LDB2: variants seen among roughly 807,000 people sequenced by gnomAD.
The protein encoded by LDB2 is LIM domain-binding protein 2.
In LDB2, 12 loss-of-function variants were observed where a neutral mutation model predicts 44.3. The observed-to-expected ratio is 0.27, with a 90% CI of 0.17 to 0.44. The LOEUF is 0.44. Ranked by LOEUF, LDB2 falls within the 20% of genes least tolerant of loss-of-function variation. The pLI is 1.00. For missense variants in LDB2, 344 were observed against 473.5 expected, an observed-to-expected ratio of 0.73 and a Z score of 2.54; for synonymous variants, 164 against 174.8, an observed-to-expected ratio of 0.94 and a Z score of 0.49.
rs1737904968 is a variant in LDB2 at position 16,552,152 on chromosome 4, G to A, written c.615+33770C>T. ...TTTTGTGTACCTGTTTTAGTTCCCT[G>A]AAGGCAAGGAAGAAGAACATTTTAC... is the stretch of plus-strand genomic sequence containing the variant. On this transcript the variant is annotated intron_variant, in intron 5 of 7. Transcript: ENST00000304523. 2.0e-5 allele frequency among the ~76,000 whole-genome samples: 3 copies of A among 152,084 alleles called. No homozygotes were observed. In the South Asian group the frequency reaches 6.2e-4, roughly 31 times the overall value.
At chr4:16,559,238 C>T (rs1741063735) in intron 5 of LDB2, among the ~76,000 whole-genome samples, 2 of 152,112 alleles carry the variant, frequency 1.3e-5, no homozygotes, top group Admixed American at 1.3e-4. Flanking sequence ...TGTAAATGGA[C>T]TAAATGCTCC....
chr4:16,714,260 T>C (rs896022667), intron 2 of LDB2, among the ~76,000 whole-genome samples: 10 of 152,328 alleles, frequency 6.6e-5, no homozygotes, highest in Admixed American at 2.6e-4. Context: ...TTGCTGTGCT[T>C]CTTCAGCAAG....
intron 5 of LDB2, among the ~76,000 whole-genome samples, chr4:16,544,669 A>G (rs1291546349): frequency 6.6e-6 from 1 of 152,056 alleles, no homozygotes; most frequent in Non-Finnish European, 1.5e-5. Flanking sequence ...AGTGAGGGAA[A>G]ACACCAGCGA....
chr4:16,577,240 C>T (rs1017405698), intron 5 of LDB2, among the ~76,000 whole-genome samples: 1 of 151,988 alleles, frequency 6.6e-6, no homozygotes, highest in South Asian at 2.1e-4. Context: ...AGTAATCAAA[C>T]AAGAGAAAGA....
At chr4:16,736,815 T>C (rs1303415062) in intron 2 of LDB2, among the ~76,000 whole-genome samples, 2 of 152,184 alleles carry the variant, frequency 1.3e-5, no homozygotes, top group African/African-American at 2.4e-5. Flanking sequence ...AGGGACCTCT[T>C]CATAAAAAGA....
At chr4:16,756,962 T>A (rs1766793803) in intron 2 of LDB2, among the ~76,000 whole-genome samples, 1 of 151,666 alleles carries the variant, frequency 6.6e-6, no homozygotes, top group Non-Finnish European at 1.5e-5. Flanking sequence ...GGGGATTTTT[T>A]TTTTTTAACA....
At chr4:16,525,449 T>C (rs751029591) in intron 5 of LDB2, among the ~76,000 whole-genome samples, 3 of 152,232 alleles carry the variant, frequency 2.0e-5, no homozygotes, top group Non-Finnish European at 4.4e-5. Flanking sequence ...TGCGCTTGTA[T>C]CTGCAGCCCT....
At chr4:16,539,853 G>A (rs562623572) in intron 5 of LDB2, among the ~76,000 whole-genome samples, 1 of 152,128 alleles carries the variant, frequency 6.6e-6, no homozygotes, top group Non-Finnish European at 1.5e-5. Context: ...TAAAGTTGGG[G>A]TCATGTGACT....
At chr4:16,761,009 T>A (rs1041391877) in intron 1 of LDB2, among the ~76,000 whole-genome samples, 145 of 128,536 alleles carry the variant, frequency 1.1e-3, no homozygotes, top group African/African-American at 4.7e-3. Flanking sequence ...GTGTGTGTGG[T>A]TTTTTTTTTT....
chr4:16,628,550 G>A (rs944829056), intron 2 of LDB2, among the ~76,000 whole-genome samples: 8 of 151,868 alleles, frequency 5.3e-5, no homozygotes, highest in Admixed American at 3.3e-4. Context: ...AACACTACCC[G>A]TCCTCTGGTG....
chr4:16,742,682 G>C (rs77131424), intron 2 of LDB2, among the ~76,000 whole-genome samples: 1 of 152,048 alleles, frequency 6.6e-6, no homozygotes, highest in Non-Finnish European at 1.5e-5. Context: ...AGCAGAGGAC[G>C]CTCATGGAAT....
At chr4:16,825,754 T>C (rs1159377903) in intron 1 of LDB2, among the ~76,000 whole-genome samples, 1 of 152,134 alleles carries the variant, frequency 6.6e-6, no homozygotes, top group Non-Finnish European at 1.5e-5. Flanking sequence ...TGGGCTTCAC[T>C]CTCTGCTTCA....
chr4:16,504,633 C>T (rs1336817912), intron 7 of LDB2, among the ~76,000 whole-genome samples: 1 of 152,122 alleles, frequency 6.6e-6, no homozygotes, highest in Non-Finnish European at 1.5e-5. Flanking sequence ...AAGTAGATAC[C>T]GTCCTTCTGA....
chr4:16,520,798 C>T (rs924608165), intron 5 of LDB2, among the ~76,000 whole-genome samples: 5 of 152,172 alleles, frequency 3.3e-5, no homozygotes, highest in Admixed American at 1.3e-4. Flanking sequence ...GTTTTCCTAC[C>T]CTGGGGCAGC....
chr4:16,674,145 C>T (rs370059249), intron 2 of LDB2: 70 of 833,242 alleles, frequency 8.4e-5, no homozygotes, highest in African/African-American at 3.5e-4. Context: ...TCCCATTTTA[C>T]GCATTTCCAG....
chr4:16,882,201 G>A (rs1383815727), intron 1 of LDB2, among the ~76,000 whole-genome samples: 1 of 151,910 alleles, frequency 6.6e-6, no homozygotes. Context: ...CTGAGGGCAG[G>A]GTTTATATAT....
intron 1 of LDB2, among the ~76,000 whole-genome samples, chr4:16,828,743 G>C (rs1783519228): frequency 6.6e-6 from 1 of 152,146 alleles, no homozygotes; most frequent in African/African-American, 2.4e-5. Context: ...TGATAGAGAA[G>C]TAACAGAAAA....
chr4:16,570,427 C>T (rs1366126316), intron 5 of LDB2, among the ~76,000 whole-genome samples: 2 of 116,552 alleles, frequency 1.7e-5, no homozygotes, highest in East Asian at 2.7e-4. Context: ...GGCGCCACCA[C>T]ACTCCAGCCT....
At chr4:16,574,362 G>C (rs1747625841) in intron 5 of LDB2, among the ~76,000 whole-genome samples, 1 of 152,136 alleles carries the variant, frequency 6.6e-6, no homozygotes, top group Non-Finnish European at 1.5e-5. Context: ...CTGGGGAGAG[G>C]TGCCAAATAC....
Sources: gnomAD v4.1 joint callset for allele counts (sites outside exome capture counted in the v4.1 genomes callset) on GRCh38, gnomAD v4.1.1 for gene constraint, MANE v1.5 for transcripts, NCBI Gene and HGNC (gene_info 2026-07-23, HGNC 2026-07-21) for gene names.